The following ZNF385D variants were observed in gnomAD, a reference collection of about 807,000 sequenced individuals.
The protein encoded by ZNF385D is zinc finger protein 659.
In ZNF385D, 15 loss-of-function variants were observed where a neutral mutation model predicts 35.8. The ratio of observed to expected loss-of-function variants is 0.42; its 90% CI spans 0.28 to 0.64. ZNF385D has a LOEUF of 0.64. Among genes scored for constraint, ZNF385D ranks in the 30% least tolerant of loss-of-function variants. ZNF385D has a pLI of 0.23. For missense variants in ZNF385D, 474 were observed against 494.6 expected, an observed-to-expected ratio of 0.96 and a Z score of 0.39; for synonymous variants, 212 against 186.8, an observed-to-expected ratio of 1.13 and a Z score of -1.10.
chr3:21,634,807 T>C (rs2065380299), intron 2 of ZNF385D, among the ~76,000 whole-genome samples: 1 of 151,942 alleles, frequency 6.6e-6, no homozygotes, highest in African/African-American at 2.4e-5. Context: ...TGTTCTATGA[T>C]TTGGCTTACT....
chr3:22,310,892 C>G (rs1183072916), intron 2 of ZNF385D, among the ~76,000 whole-genome samples: 2 of 151,282 alleles, frequency 1.3e-5, no homozygotes, highest in Non-Finnish European at 3.0e-5. Flanking sequence ...GATTTTATTT[C>G]TACTATTTAA....
chr3:21,978,472 C>A (rs1205380038), intron 3 of ZNF385D, among the ~76,000 whole-genome samples: 1 of 152,134 alleles, frequency 6.6e-6, no homozygotes, highest in East Asian at 1.9e-4. Context: ...CCATCACTGG[C>A]AAAAGTAGAT....
At chr3:21,497,175 T>G (rs1705967352) in intron 4 of ZNF385D, among the ~76,000 whole-genome samples, 1 of 152,110 alleles carries the variant, frequency 6.6e-6, no homozygotes, top group Admixed American at 6.5e-5. Context: ...CAAAAGCTCC[T>G]AGATCTAACA....
At chr3:21,655,305 G>C (rs995893856) in intron 2 of ZNF385D, among the ~76,000 whole-genome samples, 2 of 151,984 alleles carry the variant, frequency 1.3e-5, no homozygotes, top group Non-Finnish European at 2.9e-5. Flanking sequence ...GCCTTAGGCT[G>C]TAAAGTATTA....
At chr3:22,097,960 T>A (rs1559366805) in intron 3 of ZNF385D, among the ~76,000 whole-genome samples, 1 of 152,020 alleles carries the variant, frequency 6.6e-6, no homozygotes, top group East Asian at 1.9e-4. Context: ...ACAAGGATCA[T>A]ACTAATGTTA....
At chr3:21,972,646 G>GT (rs902918801) in intron 3 of ZNF385D, among the ~76,000 whole-genome samples, 4 of 151,464 alleles carry the variant, frequency 2.6e-5, no homozygotes, top group Admixed American at 2.6e-4. Flanking sequence ...ATGAAAAGTT[G>GT]TTTTTTTGAA....
Position 22,075,741 on chromosome 3 carries a change from T to C in ZNF385D, c.325+93076A>G, listed in dbSNP as rs537090128. On this transcript the variant is annotated intron_variant, in intron 3 of 5. Transcript: ENST00000494108. ...TATTATCTACAAAAACCCTCTCACA[T>C]CTATCCCAGATTTTTCTCTGAGCTT... Among the ~76,000 whole-genome samples, 8 of 152,056 alleles carry C rather than the reference T, an allele frequency of 5.3e-5. No individual in the cohort carries two copies. The South Asian group carries it at 1.7e-3, about 31-fold the overall frequency.
chr3:21,941,917 A>T (rs941782024), intron 3 of ZNF385D, among the ~76,000 whole-genome samples: 2 of 152,198 alleles, frequency 1.3e-5, no homozygotes, highest in Non-Finnish European at 2.9e-5. Flanking sequence ...CCTCATTCAT[A>T]GCCTTAGGTC....
intron 3 of ZNF385D, among the ~76,000 whole-genome samples, chr3:21,916,832 C>A (rs544376527): frequency 6.6e-6 from 1 of 152,252 alleles, no homozygotes; most frequent in African/African-American, 2.4e-5. Flanking sequence ...CTAGAAGAGA[C>A]TTTTGTGTGT....
At chr3:21,988,498 G>C (rs1488019463) in intron 3 of ZNF385D, among the ~76,000 whole-genome samples, 5 of 142,824 alleles carry the variant, frequency 3.5e-5, no homozygotes, top group African/African-American at 4.9e-5. Context: ...AGGGGTCAGG[G>C]ACCCACTTGA....
chr3:22,038,325 T>C (rs1698461295), intron 3 of ZNF385D, among the ~76,000 whole-genome samples: 1 of 152,054 alleles, frequency 6.6e-6, no homozygotes, highest in African/African-American at 2.4e-5. Flanking sequence ...ATCCCTGGAG[T>C]CGAATTGCCT....
intron 3 of ZNF385D, among the ~76,000 whole-genome samples, chr3:22,120,239 C>T (rs572327390): frequency 9.2e-5 from 14 of 152,116 alleles, no homozygotes; most frequent in African/African-American, 2.9e-4. Flanking sequence ...ACATTTATCC[C>T]TCACAGTTGT....
At chr3:21,661,570 G>A (rs545084722) in intron 2 of ZNF385D, among the ~76,000 whole-genome samples, 1 of 152,144 alleles carries the variant, frequency 6.6e-6, no homozygotes, top group Non-Finnish European at 1.5e-5. Flanking sequence ...GGATCACTGG[G>A]ATCAGAATAT....
intron 2 of ZNF385D, among the ~76,000 whole-genome samples, chr3:22,292,596 T>C (rs1702355706): frequency 2.0e-5 from 3 of 152,102 alleles, no homozygotes; most frequent in South Asian, 2.1e-4. Context: ...TGGAATTTCA[T>C]GTTGGTTCTT....
intron 2 of ZNF385D, among the ~76,000 whole-genome samples, chr3:22,291,096 G>C (rs573826307): frequency 2.3e-4 from 35 of 152,118 alleles, no homozygotes; most frequent in African/African-American, 8.0e-4. Context: ...GGGGATTAAG[G>C]CTTCATCATA....
intron 2 of ZNF385D, among the ~76,000 whole-genome samples, chr3:22,174,025 A>AACACACACAC (rs10569895): frequency 4.0e-5 from 6 of 149,972 alleles, no homozygotes; most frequent in Admixed American, 1.3e-4. Context: ...TTTACACACA[A>AACACACACAC]ACACACACAC....
At chr3:21,732,859 G>T (rs1201689489) in intron 1 of ZNF385D, among the ~76,000 whole-genome samples, 1 of 152,064 alleles carries the variant, frequency 6.6e-6, no homozygotes, top group Non-Finnish European at 1.5e-5. Context: ...TATGCTCTTT[G>T]TAGTGTCTTT....
chr3:21,845,922 T>A (rs545479993), intron 3 of ZNF385D, among the ~76,000 whole-genome samples: 1 of 152,072 alleles, frequency 6.6e-6, no homozygotes, highest in South Asian at 2.1e-4. Flanking sequence ...AATAAATTAA[T>A]CTTGTTGATA....
chr3:21,602,460 G>T (rs1005059604), intron 2 of ZNF385D, among the ~76,000 whole-genome samples: 1 of 150,882 alleles, frequency 6.6e-6, no homozygotes, highest in African/African-American at 2.4e-5. Flanking sequence ...AAGTACTAGC[G>T]CAGGGTTAGT....
Sources: gnomAD v4.1 joint callset for allele counts (sites outside exome capture counted in the v4.1 genomes callset) on GRCh38, gnomAD v4.1.1 for gene constraint, MANE v1.5 for transcripts, NCBI Gene and HGNC (gene_info 2026-07-23, HGNC 2026-07-21) for gene names.